ERG: variants seen among roughly 807,000 people sequenced by gnomAD.
The protein encoded by ERG is ETS transcription factor ERG.
Under a neutral mutation model 55.3 loss-of-function variants are expected in ERG, and 9 were observed. The observed-to-expected ratio is 0.16, with a 90% CI of 0.10 to 0.28. The LOEUF (loss-of-function observed/expected upper bound fraction) is 0.28. Among genes scored for constraint, ERG ranks in the 10% least tolerant of loss-of-function variants. The pLI, the probability that ERG is intolerant of heterozygous loss-of-function variation, is 1.00. For missense variants in ERG, 434 were observed against 631.6 expected (o/e 0.69, Z 3.35); for synonymous variants, 223 against 237.3 (o/e 0.94, Z 0.55).
At chr21:38,496,868 C>T (rs2059384082) in intron 1 of ERG, among the ~76,000 whole-genome samples, 1 of 152,096 alleles carries the variant, frequency 6.6e-6, no homozygotes, top group African/African-American at 2.4e-5. Context: ...AAAAAAACCA[C>T]ATAAGATCGT....
At chr21:38,483,752 A>G (rs2059258887) in intron 1 of ERG, among the ~76,000 whole-genome samples, 1 of 152,000 alleles carries the variant, frequency 6.6e-6, no homozygotes, top group African/African-American at 2.4e-5. Flanking sequence ...AGTCCCAGCT[A>G]CTCGGGAGGC....
At position 38,637,813 on chromosome 21, in the gene ERG, C is replaced by CTG. The variant is rs1555876962; in HGVS notation, c.-150+23843_-150+23844dup. ...TGCTGTCTCTTCACAAGTTCTTTTT[C>CTG]TGCGTGTGTGTGTGTGTGTGTGTAC... On this transcript the variant is annotated intron_variant, in intron 1 of 10. Coordinates refer to the ERG transcript ENST00000398910. Among the ~76,000 whole-genome samples, 3 of 148,162 alleles carry CTG rather than the reference C, an allele frequency of 2.0e-5. No individual in the cohort carries two copies. The East Asian group carries it at 6.1e-4, about 30-fold the overall frequency.
At chr21:38,595,702 T>C (rs1270580747) in intron 1 of ERG, among the ~76,000 whole-genome samples, 1 of 152,040 alleles carries the variant, frequency 6.6e-6, no homozygotes, top group Admixed American at 6.5e-5. Flanking sequence ...GAGACTGTGA[T>C]GAAGAATGGA....
At chr21:38,586,075 G>A (rs2060062255), upstream of ERG, among the ~76,000 whole-genome samples, 1 of 151,228 alleles carries the variant, frequency 6.6e-6, no homozygotes, top group Non-Finnish European at 1.5e-5. Flanking sequence ...TGAAATAGGA[G>A]TTCTTATTTT....
intron 2 of ERG, 82 bp downstream of exon 2, chr21:38,445,322 A>G: frequency 9.3e-7 from 1 of 1,077,754 alleles, no homozygotes; most frequent in Non-Finnish European, 1.4e-6. Context: ...TCTTTAGAGA[A>G]GCATGACTGA....
intron 2 of ERG, among the ~76,000 whole-genome samples, chr21:38,536,440 C>G (rs895644519): frequency 1.3e-5 from 2 of 152,196 alleles, no homozygotes; most frequent in Admixed American, 6.5e-5. Flanking sequence ...TCCTTCCATA[C>G]CAGATCCAGC....
chr21:38,640,174 A>G (rs950557003), intron 1 of ERG, among the ~76,000 whole-genome samples: 1 of 152,252 alleles, frequency 6.6e-6, no homozygotes, highest in Non-Finnish European at 1.5e-5. Context: ...AAATCAATGA[A>G]AAATCAATTG....
rs569367486 is a variant in ERG, at chr21:38,421,355, T to C, written c.388+2055A>G. Among the ~76,000 whole-genome samples the C allele has an allele frequency of 3.6e-4, 55 of 152,270 alleles. No homozygotes were observed. In the South Asian group the frequency reaches 0.011, roughly 32 times the overall value. ...GGCACAACCCCAAAGGATGGTCCCT[T>C]TCACACCCCACTGCATCGAACCAGC... On this transcript the variant is annotated intron_variant, in intron 3 of 9. Transcript: ENST00000288319.
intron 1 of ERG, among the ~76,000 whole-genome samples, chr21:38,464,243 C>T (rs2059068982): frequency 6.6e-6 from 1 of 152,120 alleles, no homozygotes; most frequent in African/African-American, 2.4e-5. Context: ...CCCTGAATTA[C>T]CATGCCTTCT....
intron 1 of ERG, among the ~76,000 whole-genome samples, chr21:38,485,120 C>T (rs1024323987): frequency 1.3e-5 from 2 of 152,002 alleles, no homozygotes; most frequent in Admixed American, 6.5e-5. Flanking sequence ...ATTATTGTCC[C>T]TGCAGACCTT....
chr21:38,638,174 C>T (rs1364819843), intron 1 of ERG, among the ~76,000 whole-genome samples: 1 of 152,170 alleles, frequency 6.6e-6, no homozygotes, highest in Admixed American at 6.5e-5. Context: ...CCACTTGTCC[C>T]CATGGGACCT....
At chr21:38,596,392 T>C (rs2060131797) in intron 1 of ERG, among the ~76,000 whole-genome samples, 1 of 152,182 alleles carries the variant, frequency 6.6e-6, no homozygotes, top group African/African-American at 2.4e-5. Flanking sequence ...TACTGTCTGC[T>C]AAGTGTAGAG....
chr21:38,404,998 C>G (rs1417440407), intron 3 of ERG, among the ~76,000 whole-genome samples: 1 of 152,164 alleles, frequency 6.6e-6, no homozygotes, highest in Non-Finnish European at 1.5e-5. Context: ...CTTCCCTCTT[C>G]CTTCCTTCGC....
chr21:38,557,799 C>A (rs1011990194), intron 2 of ERG, among the ~76,000 whole-genome samples: 1 of 152,100 alleles, frequency 6.6e-6, no homozygotes, highest in Admixed American at 6.5e-5. Flanking sequence ...TTGGGGGCAT[C>A]TGTTCTATGA....
intron 2 of ERG, among the ~76,000 whole-genome samples, chr21:38,429,352 A>G (rs1990004855): frequency 6.7e-6 from 1 of 150,156 alleles, no homozygotes; most frequent in Admixed American, 6.7e-5. Context: ...ATGCACACAT[A>G]TACATATATA....
At chr21:38,553,960 TA>T (rs201128775) in intron 2 of ERG, among the ~76,000 whole-genome samples, 34 of 149,770 alleles carry the variant, frequency 2.3e-4, no homozygotes, top group East Asian at 5.9e-4. Context: ...GCAGAATCTA[TA>T]AAAAAAAACT....
At chr21:38,502,528 G>T, upstream of ERG, 1 of 155,818 alleles carries the variant, frequency 6.4e-6, no homozygotes. Flanking sequence ...ATGAATGTGT[G>T]GAGATGTCAA....
intron 2 of ERG, among the ~76,000 whole-genome samples, chr21:38,432,638 G>A (rs1297899814): frequency 6.6e-6 from 1 of 152,200 alleles, no homozygotes; most frequent in Non-Finnish European, 1.5e-5. Flanking sequence ...GACCACGCCA[G>A]GTGTCAGCTA....
intron 1 of ERG, among the ~76,000 whole-genome samples, chr21:38,475,256 G>A (rs1269717042): frequency 6.6e-6 from 1 of 152,184 alleles, no homozygotes; most frequent in Non-Finnish European, 1.5e-5. Flanking sequence ...GAAGGGAGAA[G>A]GGAAGGGAAG....
Sources: allele counts gnomAD v4.1 joint callset (sites outside exome capture counted in the v4.1 genomes callset), GRCh38; gene constraint gnomAD v4.1.1; transcripts MANE v1.5; gene names NCBI Gene and HGNC (gene_info 2026-07-23, HGNC 2026-07-21).